The following HMGXB4 variants were observed in gnomAD, a reference collection of about 807,000 sequenced individuals.
HMGXB4 encodes the protein HMG-box containing 4, also known as HMG domain-containing protein 4.
A neutral mutation model predicts 63.9 loss-of-function variants in HMGXB4; 27 were observed. The observed-to-expected ratio is 0.42, with a 90% CI of 0.31 to 0.58. The LOEUF (loss-of-function observed/expected upper bound fraction) is 0.58, where lower values mean the gene tolerates loss of function less well. Ranked by LOEUF, HMGXB4 falls within the 20% of genes least tolerant of loss-of-function variation. HMGXB4 has a pLI of 0.13. For missense variants in HMGXB4, 624 were observed against 700.7 expected (o/e 0.89, Z 1.24); for synonymous variants, 264 against 265.3 (o/e 0.99, Z 0.05).
At chr22:35,290,009 T>G (rs2085563258) in intron 9 of HMGXB4, among the ~76,000 whole-genome samples, 1 of 152,248 alleles carries the variant, frequency 6.6e-6, no homozygotes, top group Non-Finnish European at 1.5e-5. Flanking sequence ...GAGCTGAAGC[T>G]ATATCTAAAT....
At chr22:35,293,228 C>A in intron 10 of HMGXB4, 114 bp downstream of exon 10, 1 of 1,204,148 alleles carries the variant, frequency 8.3e-7, no homozygotes, top group Non-Finnish European at 1.2e-6. Context: ...CTTCCTTCAT[C>A]TGTTGGCCCA....
Position 35,265,326 on chromosome 22 carries a change from A to G in HMGXB4, c.938A>G (p.Tyr313Cys), listed in dbSNP as rs760661153. The G allele has an allele frequency of 5.0e-6, 8 of 1,614,038 alleles. No individual in the cohort carries two copies. In the South Asian group the frequency reaches 8.8e-5, roughly 18 times the overall value. The change falls in exon 5 of 11, where the codon TAC becomes TGC. Residue 313 changes from tyrosine (Y) to cysteine (C), a missense_variant. Physicochemically the swap from Tyr to Cys is radical, Grantham distance 194. Coordinates refer to ENST00000216106, the MANE Select transcript of HMGXB4 (RefSeq NM_001003681.3). ...EAGELVIDDS[Y>C]REIKKKKKSK... ...GGGGAGTTAGTGATAGATGATTCTT[A>G]CCGAGAAATCAAGAAGAAAAAGAAG... is the stretch of plus-strand genomic sequence containing the variant.
chr22:35,254,220 T>A (rs1486851438), upstream of HMGXB4, among the ~76,000 whole-genome samples: 1 of 152,202 alleles, frequency 6.6e-6, no homozygotes, highest in Non-Finnish European at 1.5e-5. Flanking sequence ...GAGTGCCCCC[T>A]CTTCACATAT....
chr22:35,287,272 G>T, intron 7 of HMGXB4, 75 bp from the exon 8 acceptor site: 2 of 1,167,836 alleles, frequency 1.7e-6, no homozygotes, highest in Non-Finnish European at 2.5e-6. Flanking sequence ...TCTCCATTTT[G>T]TTCTTTCATG....
At chr22:35,259,139 CCTT>C (rs899434422) in intron 1 of HMGXB4, among the ~76,000 whole-genome samples, 2 of 151,706 alleles carry the variant, frequency 1.3e-5, no homozygotes, top group African/African-American at 4.9e-5. Context: ...TCTGCCCCCT[CCTT>C]TTTCATATCC....
chr22:35,274,337 A>G (rs906197113), intron 5 of HMGXB4, among the ~76,000 whole-genome samples: 2 of 152,240 alleles, frequency 1.3e-5, no homozygotes, highest in African/African-American at 4.8e-5. Context: ...AGAGAAACCC[A>G]GGAAGTTGAT....
At chr22:35,261,668 C>G (rs1922865102) in intron 1 of HMGXB4, among the ~76,000 whole-genome samples, 1 of 152,044 alleles carries the variant, frequency 6.6e-6, no homozygotes, top group Admixed American at 6.5e-5. Context: ...TTTCACCTAG[C>G]CTTTAAGAAA....
chr22:35,292,237 G>A (rs1444810492), intron 9 of HMGXB4, among the ~76,000 whole-genome samples: 1 of 152,154 alleles, frequency 6.6e-6, no homozygotes, highest in Non-Finnish European at 1.5e-5. Context: ...CCCATCTGCT[G>A]CAGATGCTGT....
At chr22:35,283,673 T>A (rs1356045346) in intron 5 of HMGXB4, among the ~76,000 whole-genome samples, 1 of 152,006 alleles carries the variant, frequency 6.6e-6, no homozygotes, top group Non-Finnish European at 1.5e-5. Context: ...ACCTGTAATC[T>A]CAGCTACTCA....
chr22:35,292,389 A>G (rs1180970831), intron 9 of HMGXB4, among the ~76,000 whole-genome samples: 4 of 152,150 alleles, frequency 2.6e-5, no homozygotes. Context: ...CCAATATGAC[A>G]TATTCTCACA....
Position 35,265,246 on chromosome 22 carries a change from G to A in HMGXB4, c.858G>A (p.Gly286=). ...ESHSANLDLS[G]LEPILVESDS... Reference sequence around the variant, plus strand: ...ACAGTGCTAACCTTGATCTTTCAGGGCTTGAACCTATTCTGGTAGAATCAG... The same window carrying A: ...ACAGTGCTAACCTTGATCTTTCAGGACTTGAACCTATTCTGGTAGAATCAG... The change falls in exon 5 of 11, where the codon GGG becomes GGA. Residue 286 remains glycine, a synonymous_variant. Transcript: ENST00000216106. The A allele has an allele frequency of 1.9e-6, 3 of 1,614,126 alleles. No individual in the cohort carries two copies. Among genetic ancestry groups the A allele is most frequent in the Non-Finnish European group, 2.5e-6 (3 of 1,180,024 alleles).
At position 35,265,303 on chromosome 22, in the gene HMGXB4, G is replaced by A; in HGVS notation, c.915G>A (p.Gly305=). ...DSSSGGELEA[G]ELVIDDSYRE... ...CCTCTGGTGGGGAACTAGAGGCTGGGGAGTTAGTGATAGATGATTCTTACC... is the reference window on the plus strand; with the variant it reads ...CCTCTGGTGGGGAACTAGAGGCTGGAGAGTTAGTGATAGATGATTCTTACC... The change falls in exon 5 of 11, where the codon GGG becomes GGA. Residue 305 remains glycine, a synonymous_variant. Coordinates refer to ENST00000216106, the MANE Select transcript of HMGXB4 (RefSeq NM_001003681.3). The A allele has an allele frequency of 6.2e-7, 1 of 1,613,920 alleles. No individual in the cohort carries two copies. Among genetic ancestry groups the A allele is most frequent in the Non-Finnish European group, 8.5e-7 (1 of 1,180,002 alleles).
chr22:35,283,327 C>A, intron 5 of HMGXB4, among the ~76,000 whole-genome samples: 1 of 152,136 alleles, frequency 6.6e-6, no homozygotes, highest in East Asian at 1.9e-4. Flanking sequence ...AAAATAGACA[C>A]CCCAGGAGTG....
chr22:35,286,278 G>GT (rs764370550), intron 7 of HMGXB4, among the ~76,000 whole-genome samples: 3 of 152,198 alleles, frequency 2.0e-5, no homozygotes, highest in Non-Finnish European at 4.4e-5. Flanking sequence ...AACCTGGTCT[G>GT]TTTTTTCCAG....
chr22:35,262,096 C>A, intron 1 of HMGXB4: 1 of 356,840 alleles, frequency 2.8e-6, no homozygotes, highest in Non-Finnish European at 5.1e-6. Flanking sequence ...TTATATACTT[C>A]CCCAAATGAC....
chr22:35,271,987 T>C (rs1337998057), intron 5 of HMGXB4, among the ~76,000 whole-genome samples: 1 of 152,162 alleles, frequency 6.6e-6, no homozygotes, highest in Non-Finnish European at 1.5e-5. Flanking sequence ...ATTCAATAAA[T>C]ATTATAATCA....
At chr22:35,244,196 A>G in the HMGXB4 span, among the ~76,000 whole-genome samples, 1 of 151,450 alleles carries the variant, frequency 6.6e-6, no homozygotes, top group African/African-American at 2.4e-5. Flanking sequence ...GGAATGTTGG[A>G]TCTTTTGTTG....
intron 6 of HMGXB4, among the ~76,000 whole-genome samples, chr22:35,285,435 C>G (rs1361280018): frequency 2.0e-5 from 3 of 152,174 alleles, no homozygotes; most frequent in Non-Finnish European, 4.4e-5. Context: ...ATCCCAGCTA[C>G]TCCGGAGGCT....
rs1923920268 is a variant in HMGXB4 at position 35,276,467 on chromosome 22, C to T, written c.1216-7495C>T. Among the ~76,000 whole-genome samples the T allele has an allele frequency of 2.0e-5, 3 of 152,206 alleles. No homozygotes were observed. In the South Asian group the frequency reaches 6.2e-4, roughly 31 times the overall value. On this transcript the variant is annotated intron_variant, in intron 5 of 10. Coordinates refer to ENST00000216106, the MANE Select transcript of HMGXB4 (RefSeq NM_001003681.3). ...TCTGGGGAGAAGAGATTTATATCTC[C>T]TGTCCCACTCACTCCAAGGTATAGG...
Sources: gnomAD v4.1 joint callset for allele counts (sites outside exome capture counted in the v4.1 genomes callset) on GRCh38, gnomAD v4.1.1 for gene constraint, MANE v1.5 for transcripts, NCBI Gene and HGNC (gene_info 2026-07-23, HGNC 2026-07-21) for gene names.